LRP1B: variants seen among roughly 807,000 people sequenced by gnomAD.
LRP1B encodes the protein LDL receptor related protein 1B.
LRP1B carries 217 observed loss-of-function variants against 556.6 expected under a neutral mutation model. The ratio of observed to expected loss-of-function variants is 0.39; its 90% CI spans 0.35 to 0.44. LRP1B has a LOEUF of 0.44. Ranked by LOEUF, LRP1B falls within the 20% of genes least tolerant of loss-of-function variation. The probability of loss-of-function intolerance (pLI) is 1.00; values close to 1 mark genes in which losing one functional copy is unlikely to be tolerated. For missense variants in LRP1B, 5,053 were observed against 5,620.8 expected, an observed-to-expected ratio of 0.90 and a Z score of 3.23; for synonymous variants, 2,047 against 1,865.8, an observed-to-expected ratio of 1.10 and a Z score of -2.50.
At chr2:141,298,437 T>C (rs956528679) in intron 3 of LRP1B, among the ~76,000 whole-genome samples, 2 of 152,200 alleles carry the variant, frequency 1.3e-5, no homozygotes, top group African/African-American at 4.8e-5. Context: ...CAATTTGTCA[T>C]GACTCTGTAA....
chr2:142,018,467 T>G (rs755538544), intron 1 of LRP1B, among the ~76,000 whole-genome samples: 3 of 152,182 alleles, frequency 2.0e-5, no homozygotes, highest in Admixed American at 6.5e-5. Context: ...GAAAAGAGTT[T>G]ATTTTACTAG....
At chr2:141,230,030 ATT>A (rs1683400447) in intron 5 of LRP1B, among the ~76,000 whole-genome samples, 1 of 152,180 alleles carries the variant, frequency 6.6e-6, no homozygotes, top group Non-Finnish European at 1.5e-5. Context: ...GGAAAACAAG[ATT>A]CTAGGTATAA....
chr2:141,239,564 G>A (rs1025253262), intron 5 of LRP1B, among the ~76,000 whole-genome samples: 1 of 152,012 alleles, frequency 6.6e-6, no homozygotes, highest in African/African-American at 2.4e-5. Context: ...TCTAATCCTC[G>A]AACAGGTGAG....
At chr2:140,993,101 T>C (rs1036775280) in intron 16 of LRP1B, among the ~76,000 whole-genome samples, 32 of 152,064 alleles carry the variant, frequency 2.1e-4, no homozygotes, top group African/African-American at 7.2e-4. Context: ...TCTTTAAAAC[T>C]TCATTTGTAT....
At chr2:141,959,133 T>A (rs1701338172) in intron 1 of LRP1B, among the ~76,000 whole-genome samples, 1 of 151,398 alleles carries the variant, frequency 6.6e-6, no homozygotes, top group South Asian at 2.1e-4. Flanking sequence ...CATCAGTCTG[T>A]CTTTTGAAGC....
At chr2:141,597,649 A>C (rs1266307872) in intron 2 of LRP1B, among the ~76,000 whole-genome samples, 2 of 152,040 alleles carry the variant, frequency 1.3e-5, no homozygotes, top group Non-Finnish European at 2.9e-5. Flanking sequence ...TCTCAAATAC[A>C]GTTTGCTTTA....
At chr2:141,599,805 T>G (rs1687663440) in intron 2 of LRP1B, among the ~76,000 whole-genome samples, 1 of 152,108 alleles carries the variant, frequency 6.6e-6, no homozygotes, top group Non-Finnish European at 1.5e-5. Flanking sequence ...AAAACAAAGT[T>G]AACCCTCTTG....
intron 43 of LRP1B, among the ~76,000 whole-genome samples, chr2:140,575,952 G>A (rs925632845): frequency 1.2e-4 from 17 of 144,966 alleles, no homozygotes; most frequent in African/African-American, 2.5e-4. Flanking sequence ...CAAAAAAAAA[G>A]TATCAAAGAA....
At chr2:141,203,472 C>T (rs1212467884) in intron 6 of LRP1B, among the ~76,000 whole-genome samples, 1 of 152,066 alleles carries the variant, frequency 6.6e-6, no homozygotes, top group Non-Finnish European at 1.5e-5. Context: ...ATCAATGCAG[C>T]AAGAAGAGCT....
chr2:140,510,829 G>A (rs1689620448), intron 51 of LRP1B, among the ~76,000 whole-genome samples: 2 of 152,144 alleles, frequency 1.3e-5, no homozygotes, highest in East Asian at 3.9e-4. Flanking sequence ...AAGTACAAAG[G>A]GTTCCTCTTT....
intron 66 of LRP1B, among the ~76,000 whole-genome samples, chr2:140,423,409 CA>C (rs1282907697): frequency 1.3e-5 from 2 of 152,056 alleles, no homozygotes; most frequent in Non-Finnish European, 2.9e-5. Flanking sequence ...AAGCAAATCA[CA>C]GTGTTAATAA....
chr2:140,415,847 AG>A (rs1685175286), intron 66 of LRP1B, among the ~76,000 whole-genome samples: 1 of 152,214 alleles, frequency 6.6e-6, no homozygotes, highest in African/African-American at 2.4e-5. Context: ...CACATAGAAA[AG>A]AAATGATGAT....
chr2:140,692,964 TA>T (rs1359948590), intron 41 of LRP1B, among the ~76,000 whole-genome samples: 1 of 152,148 alleles, frequency 6.6e-6, no homozygotes, highest in Non-Finnish European at 1.5e-5. Flanking sequence ...GAGTTGGAGA[TA>T]ACATTTTGTT....
chr2:140,837,003 T>C (rs1380766078), intron 31 of LRP1B, among the ~76,000 whole-genome samples: 2 of 152,218 alleles, frequency 1.3e-5, no homozygotes, highest in Non-Finnish European at 1.5e-5. Flanking sequence ...TTTCCTCTAC[T>C]ACATTGCTAC....
chr2:140,894,208 T>G (rs1342283267), intron 23 of LRP1B, among the ~76,000 whole-genome samples: 1 of 152,080 alleles, frequency 6.6e-6, no homozygotes, highest in Non-Finnish European at 1.5e-5. Context: ...TCTTGACCCC[T>G]TTCTATTAAT....
At chr2:140,409,597 T>C (rs1684886391) in intron 66 of LRP1B, among the ~76,000 whole-genome samples, 1 of 152,052 alleles carries the variant, frequency 6.6e-6, no homozygotes, top group African/African-American at 2.4e-5. Context: ...TTTCAGATCC[T>C]AGCTAATTTT....
intron 2 of LRP1B, among the ~76,000 whole-genome samples, chr2:141,737,784 C>A (rs543071683): frequency 1.3e-5 from 2 of 152,124 alleles, no homozygotes; most frequent in Non-Finnish European, 2.9e-5. Context: ...GATATTGGTG[C>A]ATATTAAGCA....
intron 4 of LRP1B, among the ~76,000 whole-genome samples, chr2:141,248,182 T>G (rs775812335): frequency 1.3e-5 from 2 of 152,178 alleles, no homozygotes; most frequent in Admixed American, 1.3e-4. Context: ...CAACAGATAC[T>G]CAATGATTCT....
rs149750892 is a variant in LRP1B, at chr2:140,365,442, A to G, written c.11009-659T>C. On this transcript the variant is annotated intron_variant, in intron 71 of 90. Transcript: ENST00000389484. ...AGGAATACAAAAATATTCTCATATA[A>G]AATTCTTAAGTACATCTGCCACACG... 3.4e-4 allele frequency among the ~76,000 whole-genome samples: 52 copies of G among 151,848 alleles called. 1 individual carries two copies. In the East Asian group the frequency reaches 0.01, roughly 30 times the overall value.
Sources: allele counts gnomAD v4.1 joint callset (sites outside exome capture counted in the v4.1 genomes callset), GRCh38; gene constraint gnomAD v4.1.1; transcripts MANE v1.5; gene names NCBI Gene and HGNC (gene_info 2026-07-23, HGNC 2026-07-21).